LRRC4C: variants seen among roughly 807,000 people sequenced by gnomAD.
LRRC4C encodes the protein leucine-rich repeat-containing protein 4C.
In LRRC4C, 5 loss-of-function variants were observed where a neutral mutation model predicts 33.6. The ratio of observed to expected loss-of-function variants is 0.15; its 90% CI spans 0.08 to 0.31. The LOEUF (loss-of-function observed/expected upper bound fraction) is 0.31. Ranked by LOEUF, LRRC4C falls within the 10% of genes least tolerant of loss-of-function variation. The pLI, the probability that LRRC4C is intolerant of heterozygous loss-of-function variation, is 1.00. For missense variants in LRRC4C, 560 were observed against 796.7 expected, an observed-to-expected ratio of 0.70 and a Z score of 3.58; for synonymous variants, 329 against 302.0, an observed-to-expected ratio of 1.09 and a Z score of -0.93.
At chr11:40,479,619 C>T (rs1173804089) in intron 3 of LRRC4C, among the ~76,000 whole-genome samples, 2 of 152,132 alleles carry the variant, frequency 1.3e-5, no homozygotes, top group Non-Finnish European at 2.9e-5. Flanking sequence ...AGGGAGGCGG[C>T]TGCTTTAAAC....
chr11:40,520,161 C>G (rs1304055295), intron 3 of LRRC4C, among the ~76,000 whole-genome samples: 1 of 152,174 alleles, frequency 6.6e-6, no homozygotes, highest in South Asian at 2.1e-4. Flanking sequence ...ACAACAAAAC[C>G]CATCTGAAAT....
chr11:41,404,249 C>T (rs1361586286), intron 1 of LRRC4C, among the ~76,000 whole-genome samples: 1 of 151,864 alleles, frequency 6.6e-6, no homozygotes, highest in Non-Finnish European at 1.5e-5. Flanking sequence ...CCCAAGTTTC[C>T]CCAAGCAAAG....
chr11:41,241,503 A>G (rs1247096314), intron 1 of LRRC4C, among the ~76,000 whole-genome samples: 1 of 152,162 alleles, frequency 6.6e-6, no homozygotes, highest in African/African-American at 2.4e-5. Context: ...TTGAGTTATC[A>G]ACAAGTCAAT....
chr11:41,075,028 T>C (rs11036215), intron 1 of LRRC4C, among the ~76,000 whole-genome samples: 2 of 30,824 alleles, frequency 6.5e-5, no homozygotes, highest in African/African-American at 2.8e-4. Context: ...TTTTTTTTTT[T>C]TTTTTTTTAT....
At chr11:41,415,173 G>A (rs1954630316) in intron 1 of LRRC4C, among the ~76,000 whole-genome samples, 1 of 152,126 alleles carries the variant, frequency 6.6e-6, no homozygotes, top group South Asian at 2.1e-4. Context: ...GGGTTTAGAA[G>A]TATTTAAGGC....
intron 2 of LRRC4C, among the ~76,000 whole-genome samples, chr11:40,865,737 C>A (rs7122175): frequency 1.3e-5 from 2 of 151,574 alleles, no homozygotes; most frequent in Non-Finnish European, 2.9e-5. Context: ...AGATAACATT[C>A]TTTTTAAAGA....
chr11:40,779,275 C>T (rs1324101809), intron 2 of LRRC4C, among the ~76,000 whole-genome samples: 1 of 152,070 alleles, frequency 6.6e-6, no homozygotes, highest in African/African-American at 2.4e-5. Flanking sequence ...TCTTTACTGA[C>T]ATAAAAAATG....
At chr11:40,350,305 C>T (rs997702250) in intron 3 of LRRC4C, among the ~76,000 whole-genome samples, 7 of 152,078 alleles carry the variant, frequency 4.6e-5, no homozygotes, top group Admixed American at 2.0e-4. Flanking sequence ...TATTCTTCTG[C>T]ATATGGATAT....
chr11:40,851,998 A>C (rs1240715292), intron 2 of LRRC4C, among the ~76,000 whole-genome samples: 1 of 152,084 alleles, frequency 6.6e-6, no homozygotes, highest in Non-Finnish European at 1.5e-5. Context: ...TTTTTAAAAA[A>C]ATTTTTTAAT....
At chr11:40,469,279 T>A (rs1451839376) in intron 3 of LRRC4C, among the ~76,000 whole-genome samples, 1 of 151,718 alleles carries the variant, frequency 6.6e-6, no homozygotes, top group Non-Finnish European at 1.5e-5. Flanking sequence ...GCAAAAGGGG[T>A]TGGTGAACTC....
intron 5 of LRRC4C, among the ~76,000 whole-genome samples, chr11:40,183,684 TAAC>T (rs1861190650): frequency 6.6e-6 from 1 of 152,226 alleles, no homozygotes; most frequent in Non-Finnish European, 1.5e-5. Context: ...AAGGTTGAGC[TAAC>T]AAGAGGAAAA....
At chr11:40,297,106 A>G (rs1246542215) in intron 4 of LRRC4C, among the ~76,000 whole-genome samples, 1 of 152,244 alleles carries the variant, frequency 6.6e-6, no homozygotes, top group Admixed American at 6.5e-5. Context: ...TCTTGTAATC[A>G]GAAATACAAA....
chr11:40,359,471 C>T (rs1947848177), intron 3 of LRRC4C, among the ~76,000 whole-genome samples: 1 of 152,186 alleles, frequency 6.6e-6, no homozygotes, highest in Non-Finnish European at 1.5e-5. Context: ...GTTAATTTCA[C>T]TGCTCATCAA....
At chr11:40,942,856 C>A (rs1958218397) in intron 1 of LRRC4C, among the ~76,000 whole-genome samples, 2 of 152,130 alleles carry the variant, frequency 1.3e-5, no homozygotes, top group South Asian at 4.1e-4. Context: ...AACTCTAACA[C>A]CTACCAACCA....
chr11:40,669,781 A>G (rs537356039), intron 2 of LRRC4C, among the ~76,000 whole-genome samples: 1 of 152,212 alleles, frequency 6.6e-6, no homozygotes, highest in Non-Finnish European at 1.5e-5. Context: ...TCTGCTTTAT[A>G]CATATTTATG....
intron 1 of LRRC4C, among the ~76,000 whole-genome samples, chr11:41,420,833 C>G (rs1209322878): frequency 6.6e-6 from 1 of 151,882 alleles, no homozygotes; most frequent in Non-Finnish European, 1.5e-5. Flanking sequence ...GTAACATGAC[C>G]AAAACAGTGC....
intron 1 of LRRC4C, among the ~76,000 whole-genome samples, chr11:41,188,756 A>G (rs1945810373): frequency 1.3e-5 from 2 of 151,932 alleles, no homozygotes. Context: ...TGGTGAAATA[A>G]ATGGTTTCTA....
At chr11:40,987,556 A>G (rs1325372957) in intron 1 of LRRC4C, among the ~76,000 whole-genome samples, 1 of 149,028 alleles carries the variant, frequency 6.7e-6, no homozygotes, top group East Asian at 2.0e-4. Context: ...CTAGTATCGG[A>G]GCATGGAACT....
At position 40,249,564 on chromosome 11, in the gene LRRC4C, C is replaced by T. The variant is rs1212426299; in HGVS notation, c.-175-7966G>A. Reference sequence around the variant, plus strand: ...GTATATTTAATAAATATTATATATACTACATATAATCATATATGTATATAT... The same window carrying T: ...GTATATTTAATAAATATTATATATATTACATATAATCATATATGTATATAT... On this transcript the variant is annotated intron_variant, in intron 4 of 6. Coordinates refer to ENST00000528697, the MANE Select transcript of LRRC4C (RefSeq NM_001258419.2). 2.0e-5 allele frequency among the ~76,000 whole-genome samples: 3 copies of T among 149,208 alleles called. No homozygotes were observed. The Admixed American group carries it at 2.0e-4, about 10-fold the overall frequency.
Sources: allele counts gnomAD v4.1 joint callset (sites outside exome capture counted in the v4.1 genomes callset), GRCh38; gene constraint gnomAD v4.1.1; transcripts MANE v1.5; gene names NCBI Gene and HGNC (gene_info 2026-07-23, HGNC 2026-07-21).